FAM13A: variants seen among roughly 807,000 people sequenced by gnomAD.
The protein encoded by FAM13A is family with sequence similarity 13 member A.
Under a neutral mutation model 129.6 loss-of-function variants are expected in FAM13A, and 76 were observed. The observed-to-expected ratio is 0.59, with a 90% CI of 0.49 to 0.71. The LOEUF is 0.71. Ranked by LOEUF, FAM13A falls within the 30% of genes least tolerant of loss-of-function variation. The probability of loss-of-function intolerance (pLI) is 0.00; values close to 1 mark genes in which losing one functional copy is unlikely to be tolerated. For synonymous variants in FAM13A, 443 were observed against 449.9 expected (o/e 0.98, Z 0.20); for missense variants, 1,108 against 1,249.3 (o/e 0.89, Z 1.70).
At chr4:88,729,867 A>G (rs1737270544) in intron 23 of FAM13A, 1 of 152,252 alleles carries the variant, frequency 6.6e-6, no homozygotes, top group Non-Finnish European at 1.5e-5. Context: ...GAAAGACTGG[A>G]AAGATACACG....
chr4:88,774,593 T>C (rs1721315741), intron 11 of FAM13A, among the ~76,000 whole-genome samples: 1 of 152,182 alleles, frequency 6.6e-6, no homozygotes, highest in African/African-American at 2.4e-5. Flanking sequence ...TGTGTTACAC[T>C]GAAAACAATT....
intron 3 of FAM13A, among the ~76,000 whole-genome samples, chr4:89,020,136 A>C (rs531635750): frequency 2.6e-5 from 4 of 152,158 alleles, no homozygotes; most frequent in Admixed American, 2.6e-4. Flanking sequence ...TAATCAGTCT[A>C]GTATGATTTT....
At chr4:88,865,242 T>G (rs1740180449) in intron 6 of FAM13A, among the ~76,000 whole-genome samples, 1 of 152,208 alleles carries the variant, frequency 6.6e-6, no homozygotes, top group South Asian at 2.1e-4. Flanking sequence ...ACTCTAAAAG[T>G]GACTCATTAG....
intron 19 of FAM13A, among the ~76,000 whole-genome samples, chr4:88,745,880 G>C (rs1031981815): frequency 2.7e-5 from 4 of 149,540 alleles, no homozygotes; most frequent in African/African-American, 9.9e-5. Context: ...ATTTAAACCT[G>C]ATAAATTCAG....
rs114769536 is a variant in FAM13A, at chr4:88,998,500, G to A, written c.428-7350C>T. Reference sequence around the variant, plus strand: ...TCATGTATGTAAATATTTAAGAAATGTTTCCTGAATTAATCAATCAATAAA... The same window carrying A: ...TCATGTATGTAAATATTTAAGAAATATTTCCTGAATTAATCAATCAATAAA... On this transcript the variant is annotated intron_variant, in intron 3 of 23. Transcript: ENST00000264344. Among the ~76,000 whole-genome samples the A allele has an allele frequency of 6.5e-3, 991 of 152,284 alleles. 17 individuals carry two copies. The highest frequency in any genetic ancestry group is 0.023 in the African/African-American group (946 of 41,548).
At chr4:88,839,977 T>C (rs1483269897) in intron 7 of FAM13A, among the ~76,000 whole-genome samples, 1 of 152,088 alleles carries the variant, frequency 6.6e-6, no homozygotes, top group Non-Finnish European at 1.5e-5. Context: ...CAGAACTGAA[T>C]GAAAGCACCC....
At chr4:88,792,495 CAAT>C (rs1725376508) in intron 8 of FAM13A, among the ~76,000 whole-genome samples, 1 of 152,188 alleles carries the variant, frequency 6.6e-6, no homozygotes, top group East Asian at 1.9e-4. Flanking sequence ...ACATAACCAA[CAAT>C]AAAACCCTTT....
chr4:88,997,828 G>A (rs772463072), intron 3 of FAM13A, among the ~76,000 whole-genome samples: 14 of 152,116 alleles, frequency 9.2e-5, no homozygotes, highest in Non-Finnish European at 1.9e-4. Context: ...TTAGCCTCAT[G>A]GTGCCAGATT....
intron 7 of FAM13A, among the ~76,000 whole-genome samples, chr4:88,817,600 T>G (rs1244926634): frequency 6.6e-6 from 1 of 151,822 alleles, no homozygotes; most frequent in Admixed American, 6.6e-5. Context: ...CTTCTTAAGG[T>G]AAGAATAAAT....
intron 6 of FAM13A, among the ~76,000 whole-genome samples, chr4:88,901,446 A>G (rs935495011): frequency 2.0e-5 from 3 of 152,148 alleles, no homozygotes; most frequent in African/African-American, 7.2e-5. Context: ...AGTCTTTCAG[A>G]CCACAGTGCA....
At chr4:88,934,785 T>C (rs1299096164) in intron 5 of FAM13A, among the ~76,000 whole-genome samples, 2 of 152,234 alleles carry the variant, frequency 1.3e-5, no homozygotes, top group Non-Finnish European at 2.9e-5. Flanking sequence ...TGGCCATAAC[T>C]GTGGACCACT....
intron 3 of FAM13A, among the ~76,000 whole-genome samples, chr4:89,012,483 T>C (rs1384180864): frequency 2.0e-5 from 3 of 152,168 alleles, no homozygotes; most frequent in Non-Finnish European, 4.4e-5. Context: ...AGAAATAAAA[T>C]AGAGAAAGAA....
chr4:88,833,520 C>T (rs930277511), intron 7 of FAM13A, among the ~76,000 whole-genome samples: 1 of 152,114 alleles, frequency 6.6e-6, no homozygotes, highest in Admixed American at 6.5e-5. Context: ...AAGTGTCAAA[C>T]TCTGACTGCA....
At chr4:88,900,522 C>G (rs1561287036) in intron 6 of FAM13A, among the ~76,000 whole-genome samples, 1 of 152,050 alleles carries the variant, frequency 6.6e-6, no homozygotes, top group Non-Finnish European at 1.5e-5. Flanking sequence ...AATTTCCAAT[C>G]CAGAATTTCA....
intron 4 of FAM13A, among the ~76,000 whole-genome samples, chr4:88,983,003 G>A (rs1433562775): frequency 6.6e-6 from 1 of 152,128 alleles, no homozygotes; most frequent in East Asian, 1.9e-4. Context: ...TAAACCCTTT[G>A]ACTCAACTAG....
intron 5 of FAM13A, among the ~76,000 whole-genome samples, chr4:88,930,104 T>C (rs1752811035): frequency 6.6e-6 from 1 of 152,176 alleles, no homozygotes; most frequent in East Asian, 1.9e-4. Context: ...TTCTGATTTC[T>C]TTGTACTGGT....
intron 3 of FAM13A, among the ~76,000 whole-genome samples, chr4:88,992,104 T>C (rs1762986790): frequency 1.3e-5 from 2 of 152,220 alleles, no homozygotes; most frequent in African/African-American, 4.8e-5. Flanking sequence ...CTCTGGTATA[T>C]GGTCATGTAA....
In FAM13A at chr4:88,800,384, C is replaced by T. The variant is rs1003246622; in HGVS notation, c.1049+4627G>A. On this transcript the variant is annotated intron_variant, in intron 8 of 23. Coordinates refer to ENST00000264344, the MANE Select transcript of FAM13A (RefSeq NM_014883.4). ...ACAGGCAGGGGGGATGTGCCCCCTC[C>T]GTTTAGAAACACTATTCTGGCCAGG... Among the ~76,000 whole-genome samples, 5 of 151,976 alleles carry T rather than the reference C, an allele frequency of 3.3e-5. No individual in the cohort carries two copies. The East Asian group carries it at 5.8e-4, about 18-fold the overall frequency.
intron 4 of FAM13A, among the ~76,000 whole-genome samples, chr4:88,986,056 C>A (rs993999917): frequency 6.6e-6 from 1 of 151,430 alleles, no homozygotes; most frequent in African/African-American, 2.4e-5. Flanking sequence ...CCAAAGACAC[C>A]AAGAGGTTGA....
Sources: allele counts gnomAD v4.1 joint callset (sites outside exome capture counted in the v4.1 genomes callset), GRCh38; gene constraint gnomAD v4.1.1; transcripts MANE v1.5; gene names NCBI Gene and HGNC (gene_info 2026-07-23, HGNC 2026-07-21).